The following DMD variants were observed in gnomAD, a reference collection of about 807,000 sequenced individuals.
DMD encodes mutant dystrophin.
In DMD, 63 loss-of-function variants were observed where a neutral mutation model predicts 330.1. The ratio of observed to expected loss-of-function variants is 0.19; its 90% CI spans 0.16 to 0.24. The LOEUF (loss-of-function observed/expected upper bound fraction) is 0.24, where lower values mean the gene tolerates loss of function less well. Among genes scored for constraint, DMD ranks in the 10% least tolerant of loss-of-function variants. The probability of loss-of-function intolerance (pLI) is 1.00; values close to 1 mark genes in which losing one functional copy is unlikely to be tolerated. For synonymous variants in DMD, 1,223 were observed against 959.8 expected, an observed-to-expected ratio of 1.27 and a Z score of -5.07; for missense variants, 3,344 against 2,684.1, an observed-to-expected ratio of 1.25 and a Z score of -5.43.
intron 44 of DMD, among the ~76,000 whole-genome samples, chrX:32,133,389 T>G (rs920652227): frequency 9.0e-6 from 1 of 111,303 alleles, no homozygotes; most frequent in African/African-American, 3.3e-5. Context: ...ACGTTGTCAT[T>G]TCTATCTATA....
rs530155402 is a variant in DMD at position 32,974,530 on chromosome X, T to C, written c.93+45609A>G. On this transcript the variant is annotated intron_variant, in intron 2 of 78. Transcript: ENST00000357033. ...TAAACGTATTTTTCCCTTGAGGTCTTCTGATGTTTACACCTCTTTTTGTTG... is the reference window on the plus strand; with the variant it reads ...TAAACGTATTTTTCCCTTGAGGTCTCCTGATGTTTACACCTCTTTTTGTTG... Among the ~76,000 whole-genome samples the C allele has an allele frequency of 3.7e-4, 41 of 111,856 alleles. No individual in the cohort carries two copies. The South Asian group carries it at 0.015, about 40-fold the overall frequency.
At chrX:31,697,309 C>T (rs943414039) in intron 52 of DMD, among the ~76,000 whole-genome samples, 1 of 111,864 alleles carries the variant, frequency 8.9e-6, no homozygotes, top group African/African-American at 3.2e-5. Context: ...AGTATATGCA[C>T]ATAAACCCAG....
At chrX:32,041,870 C>T (rs780837232) in intron 44 of DMD, among the ~76,000 whole-genome samples, 18 of 107,014 alleles carry the variant, frequency 1.7e-4, no homozygotes, top group Non-Finnish European at 3.3e-4. Flanking sequence ...GAACAGGGCT[C>T]CAAGTGGTTA....
chrX:33,064,124 T>C (rs1342398429), intron 1 of DMD, among the ~76,000 whole-genome samples: 8 of 111,049 alleles, frequency 7.2e-5, no homozygotes, highest in Non-Finnish European at 1.9e-5. Context: ...CTCATTTTGA[T>C]AGGGCACAGT....
intron 4 of DMD, among the ~76,000 whole-genome samples, chrX:32,840,342 T>G (rs944023899): frequency 6.2e-5 from 7 of 112,336 alleles, no homozygotes; most frequent in African/African-American, 2.3e-4. Context: ...TTCACTTATA[T>G]TCATTTAATA....
intron 44 of DMD, among the ~76,000 whole-genome samples, chrX:32,016,655 T>C (rs372004059): frequency 8.9e-6 from 1 of 112,527 alleles, no homozygotes; most frequent in African/African-American, 3.2e-5. Flanking sequence ...TCCCTCGGTA[T>C]TTCTTCCAAA....
At chrX:31,723,415 A>G (rs1023257945) in intron 52 of DMD, among the ~76,000 whole-genome samples, 1 of 111,109 alleles carries the variant, frequency 9.0e-6, no homozygotes, top group African/African-American at 3.3e-5. Context: ...TAATCTTCCA[A>G]AGAATTCAAT....
intron 1 of DMD, among the ~76,000 whole-genome samples, chrX:33,274,931 T>C (rs999199187): frequency 3.6e-5 from 4 of 111,711 alleles, no homozygotes; most frequent in African/African-American, 1.3e-4. Flanking sequence ...GACAGCATGC[T>C]GGCCCCTGAC....
At chrX:33,053,636 A>AG (rs1443908090) in intron 1 of DMD, among the ~76,000 whole-genome samples, 1 of 111,171 alleles carries the variant, frequency 9.0e-6, no homozygotes, top group East Asian at 2.9e-4. Context: ...AGAAAAAAAA[A>AG]TAGTTACTGT....
intron 56 of DMD, among the ~76,000 whole-genome samples, chrX:31,501,496 A>C (rs1446659891): frequency 8.9e-6 from 1 of 112,151 alleles, no homozygotes; most frequent in African/African-American, 3.2e-5. Context: ...CCGTTTAACA[A>C]GGCAAGTGCT....
intron 29 of DMD, among the ~76,000 whole-genome samples, chrX:32,413,319 C>A: frequency 9.0e-6 from 1 of 111,440 alleles, no homozygotes; most frequent in East Asian, 2.8e-4. Context: ...TCTCAACTCC[C>A]CAACTTGCTT....
chrX:31,968,585 T>C (rs1217701112), intron 44 of DMD, 71 bp from the exon 45 acceptor site: 2 of 1,066,618 alleles, frequency 1.9e-6, no homozygotes, highest in Non-Finnish European at 2.6e-6. Flanking sequence ...GATTAAACAG[T>C]GTGCTACCAC....
chrX:31,854,654 T>C (rs2093585507), intron 48 of DMD, among the ~76,000 whole-genome samples: 1 of 111,995 alleles, frequency 8.9e-6, no homozygotes, highest in East Asian at 2.8e-4. Context: ...CCTGCATACA[T>C]AATTACTATG....
intron 1 of DMD, among the ~76,000 whole-genome samples, chrX:33,023,320 T>G: frequency 8.9e-6 from 1 of 112,113 alleles, no homozygotes; most frequent in Non-Finnish European, 1.9e-5. Context: ...TTTTTTGTTT[T>G]TATAATTGTC....
chrX:32,772,285 A>G (rs751648012), intron 7 of DMD, among the ~76,000 whole-genome samples: 1 of 112,556 alleles, frequency 8.9e-6, no homozygotes, highest in Non-Finnish European at 1.9e-5. Flanking sequence ...TGGAGGGCCT[A>G]TTGGCCCAAC....
intron 7 of DMD, among the ~76,000 whole-genome samples, chrX:32,741,336 C>T (rs1452297831): frequency 2.7e-5 from 3 of 111,471 alleles, no homozygotes; most frequent in African/African-American, 9.8e-5. Flanking sequence ...AATTAGCCTC[C>T]AGATGTTCAC....
chrX:33,288,751 T>G (rs758579256), intron 1 of DMD, among the ~76,000 whole-genome samples: 9 of 111,893 alleles, frequency 8.0e-5, no homozygotes, highest in Non-Finnish European at 1.7e-4. Flanking sequence ...TCTCTCTCCC[T>G]CCAATTTTTA....
At chrX:32,987,630 T>C (rs994855013) in intron 2 of DMD, among the ~76,000 whole-genome samples, 11 of 111,242 alleles carry the variant, frequency 9.9e-5, no homozygotes, top group Non-Finnish European at 1.7e-4. Flanking sequence ...AGAAAATTCT[T>C]TCTTTTCTCC....
chrX:33,157,935 A>C (rs1180778189), intron 1 of DMD, among the ~76,000 whole-genome samples: 1 of 111,923 alleles, frequency 8.9e-6, no homozygotes, highest in East Asian at 2.8e-4. Context: ...CCAGCCTGGG[A>C]GACAAGAGTG....
Sources: gnomAD v4.1 joint callset for allele counts (sites outside exome capture counted in the v4.1 genomes callset) on GRCh38, gnomAD v4.1.1 for gene constraint, MANE v1.5 for transcripts, NCBI Gene and HGNC (gene_info 2026-07-23, HGNC 2026-07-21) for gene names.